Variants in CNOT4 observed in about 807,000 individuals in gnomAD.
CNOT4 encodes the protein CCR4-associated factor 4.
CNOT4 carries 8 observed loss-of-function variants against 73.8 expected under a neutral mutation model. That is an observed-to-expected ratio of 0.11 (90% confidence interval 0.06 to 0.20). The LOEUF is 0.20. Ranked by LOEUF, CNOT4 falls within the 10% of genes least tolerant of loss-of-function variation. The probability of loss-of-function intolerance (pLI) is 1.00; values close to 1 mark genes in which losing one functional copy is unlikely to be tolerated. For synonymous variants in CNOT4, 293 were observed against 321.1 expected (o/e 0.91, Z 0.94); for missense variants, 564 against 883.4 (o/e 0.64, Z 4.58).
In CNOT4 at chr7:135,404,196, A is replaced by C. The variant is rs189068824; in HGVS notation, c.822-5970T>G. On this transcript the variant is annotated intron_variant, in intron 7 of 11. Coordinates refer to ENST00000541284, the MANE Select transcript of CNOT4 (RefSeq NM_001190850.2). ...GGAAGAAAACTTTTCAAGAGAAATAAGGAAGATTCTGAGATATAAACTCAG... is the reference window on the plus strand; with the variant it reads ...GGAAGAAAACTTTTCAAGAGAAATACGGAAGATTCTGAGATATAAACTCAG... Among the ~76,000 whole-genome samples the C allele has an allele frequency of 2.5e-3, 384 of 152,382 alleles. 2 individuals are homozygous for C. The highest frequency in any genetic ancestry group is 8.9e-3 in the African/African-American group (369 of 41,594).
chr7:135,382,582 A>AG (rs1795907074), intron 10 of CNOT4, among the ~76,000 whole-genome samples: 1 of 92,868 alleles, frequency 1.1e-5, no homozygotes, highest in Non-Finnish European at 2.4e-5. Context: ...ACTGACTAGG[A>AG]GAAAAAAAAA....
chr7:135,448,826 A>G (rs1799992463), intron 1 of CNOT4, among the ~76,000 whole-genome samples: 1 of 152,202 alleles, frequency 6.6e-6, no homozygotes, highest in Non-Finnish European at 1.5e-5. Context: ...TCACTAGAGG[A>G]GCTCAAAAGT....
chr7:135,416,695 A>G (rs562379572), intron 3 of CNOT4, among the ~76,000 whole-genome samples: 1 of 152,318 alleles, frequency 6.6e-6, no homozygotes, highest in East Asian at 1.9e-4. Flanking sequence ...GGCCGGTCAC[A>G]GGTTGTCCTG....
chr7:135,433,149 G>C lies in CNOT4; in HGVS notation c.174+5009C>G, dbSNP rs1798945349. ...TCTTCCTAGAGCACTTAATTGTTTGGTATTTGACGTCCTTGATTGATCCTC... is the reference window on the plus strand; with the variant it reads ...TCTTCCTAGAGCACTTAATTGTTTGCTATTTGACGTCCTTGATTGATCCTC... On this transcript the variant is annotated intron_variant, in intron 2 of 11. Transcript: ENST00000541284. Among the ~76,000 whole-genome samples, 4 of 152,082 alleles carry C rather than the reference G, an allele frequency of 2.6e-5. No individual in the cohort carries two copies. The South Asian group carries it at 8.3e-4, about 32-fold the overall frequency.
At chr7:135,444,333 T>C in intron 1 of CNOT4, 1 of 630,662 alleles carries the variant, frequency 1.6e-6, no homozygotes, top group Admixed American at 2.1e-5. Context: ...CTAACAGTAT[T>C]TTTGACAATA....
intron 3 of CNOT4, among the ~76,000 whole-genome samples, chr7:135,418,060 T>C (rs1797968227): frequency 6.6e-6 from 1 of 152,210 alleles, no homozygotes; most frequent in Non-Finnish European, 1.5e-5. Flanking sequence ...GCCTGGCATA[T>C]TGCAGGTACT....
At chr7:135,413,407 T>C in intron 6 of CNOT4, 81 bp downstream of exon 6, 1 of 1,491,332 alleles carries the variant, frequency 6.7e-7, no homozygotes. Flanking sequence ...AAATCCTTAG[T>C]TTTTGCTTTT....
intron 1 of CNOT4, among the ~76,000 whole-genome samples, chr7:135,500,473 A>T (rs1004867646): frequency 1.3e-4 from 20 of 152,212 alleles, no homozygotes; most frequent in African/African-American, 1.4e-4. Flanking sequence ...AAAGAATTTT[A>T]AAAAAACTTC....
chr7:135,415,754 T>C (rs577696446), intron 3 of CNOT4, among the ~76,000 whole-genome samples: 5 of 152,302 alleles, frequency 3.3e-5, no homozygotes, highest in Admixed American at 1.3e-4. Context: ...AAATCACAAA[T>C]TTCAAGTAAC....
chr7:135,457,343 T>A (rs1372561083), intron 1 of CNOT4, among the ~76,000 whole-genome samples: 2 of 151,894 alleles, frequency 1.3e-5, no homozygotes, highest in Non-Finnish European at 2.9e-5. Context: ...GGAAGAAATG[T>A]TATTTGAGGT....
chr7:135,502,332 A>T (rs1563087375), intron 1 of CNOT4, among the ~76,000 whole-genome samples: 1 of 152,242 alleles, frequency 6.6e-6, no homozygotes, highest in Non-Finnish European at 1.5e-5. Flanking sequence ...CCTCACTCCT[A>T]GGACTTTAGT....
At chr7:135,387,381 CATTTA>C (rs1796173148) in intron 10 of CNOT4, 1 of 983,476 alleles carries the variant, frequency 1.0e-6, no homozygotes, top group Admixed American at 6.2e-5. Flanking sequence ...GGGATAAAGT[CATTTA>C]ATTTGTCACA....
intron 1 of CNOT4, among the ~76,000 whole-genome samples, chr7:135,488,890 G>A (rs1344068720): frequency 6.6e-6 from 1 of 151,968 alleles, no homozygotes; most frequent in Non-Finnish European, 1.5e-5. Flanking sequence ...TGCTTGTGTA[G>A]TACTACCATG....
intron 10 of CNOT4, chr7:135,387,640 T>G (rs905564819): frequency 6.1e-6 from 6 of 984,500 alleles, no homozygotes; most frequent in Non-Finnish European, 7.2e-6. Context: ...TCTTCCCAGA[T>G]GCTTCATGTA....
chr7:135,362,578 A>T lies in CNOT4; in HGVS notation c.*307T>A, dbSNP rs113392686. On this transcript the variant is annotated 3_prime_UTR_variant, in exon 12 of 12. Transcript: ENST00000541284. ...AGATTATGTCATTATTATGCGCAAC[A>T]GACAAACAATAATTTTCTAAGTATT... The T allele has an allele frequency of 2.0e-6, 1 of 488,812 alleles. No individual in the cohort carries two copies. Among genetic ancestry groups the T allele is most frequent in the Non-Finnish European group, 3.7e-6 (1 of 268,448 alleles). 30.3% of individuals were successfully genotyped at this position (488,812 alleles called of 1,614,324 possible).
rs767801746 is a variant in CNOT4 at position 135,362,733 on chromosome 7, G to A, written c.*152C>T. ...AAGAGATGGTAATGACCCTGTGATC[G>A]CATTGCATCTGGGGTTAGGGAGAAA... On this transcript the variant is annotated 3_prime_UTR_variant, in exon 12 of 12. Transcript: ENST00000541284. 30 of 795,796 alleles carry A rather than the reference G, an allele frequency of 3.8e-5. No individual in the cohort carries two copies. The highest frequency in any genetic ancestry group is 1.4e-4 in the Admixed American group (8 of 59,004). The allele number at this position is 795,796 out of a possible 1,614,324, so 49.3% of individuals were successfully genotyped here.
At chr7:135,459,633 T>C (rs991833359) in intron 1 of CNOT4, among the ~76,000 whole-genome samples, 10 of 152,180 alleles carry the variant, frequency 6.6e-5, no homozygotes, top group African/African-American at 2.4e-4. Flanking sequence ...GTCCCTCATA[T>C]AAAATGGTTG....
At chr7:135,462,371 A>G (rs930575872) in intron 1 of CNOT4, among the ~76,000 whole-genome samples, 1 of 152,102 alleles carries the variant, frequency 6.6e-6, no homozygotes, top group African/African-American at 2.4e-5. Context: ...CCTCGATCCA[A>G]TCTCCTTATT....
rs187868967 is a variant in CNOT4, at chr7:135,507,711, A to G, written c.-93+2178T>C. On this transcript the variant is annotated intron_variant, in intron 1 of 11. Transcript: ENST00000541284. ...TACAATTCAGCCAAGTATGACTGCC[A>G]AGAGTTTCTAAACCTGTGTTAGGAT... 2.1e-3 allele frequency among the ~76,000 whole-genome samples: 320 copies of G among 152,342 alleles called. 1 individual carries two copies. Among genetic ancestry groups the G allele is most frequent in the Admixed American group, 0.011 (171 of 15,298 alleles).
Sources: gnomAD v4.1 joint callset for allele counts (sites outside exome capture counted in the v4.1 genomes callset) on GRCh38, gnomAD v4.1.1 for gene constraint, MANE v1.5 for transcripts, NCBI Gene and HGNC (gene_info 2026-07-23, HGNC 2026-07-21) for gene names.